Variants in FGF14 observed in about 807,000 individuals in gnomAD.
FGF14 encodes fibroblast growth factor homologous factor 4.
FGF14 carries 5 observed loss-of-function variants against 25.5 expected under a neutral mutation model. That is an observed-to-expected ratio of 0.20 (90% confidence interval 0.10 to 0.41). The LOEUF (loss-of-function observed/expected upper bound fraction) is 0.41, where lower values mean the gene tolerates loss of function less well. Among genes scored for constraint, FGF14 ranks in the 10% least tolerant of loss-of-function variants. The pLI, the probability that FGF14 is intolerant of heterozygous loss-of-function variation, is 1.00. For missense variants in FGF14, 222 were observed against 320.1 expected (o/e 0.69, Z 2.34); for synonymous variants, 138 against 118.3 (o/e 1.17, Z -1.08).
At chr13:102,222,086 G>A (rs59934534) in intron 1 of FGF14, among the ~76,000 whole-genome samples, 3,932 of 152,144 alleles carry the variant, frequency 0.026, 162 homozygotes, top group African/African-American at 0.089. Context: ...ACCCCATACA[G>A]TCTTCAGAGA....
At chr13:102,045,262 C>A (rs1274116041) in intron 1 of FGF14, among the ~76,000 whole-genome samples, 2 of 151,290 alleles carry the variant, frequency 1.3e-5, no homozygotes, top group Non-Finnish European at 2.9e-5. Context: ...AAGGAAACTG[C>A]TATGCAGATG....
chr13:101,896,154 T>C lies in FGF14; in HGVS notation c.193+20299A>G, dbSNP rs898317448. The stretch of plus-strand genomic sequence containing the variant: ...CTAGCAGAAACCTCCCTTCCCTTTC[T>C]TTTTACTATTAAGGTGGGGCAATAG... On this transcript the variant is annotated intron_variant, in intron 1 of 4. Transcript: ENST00000376143. Among the ~76,000 whole-genome samples, 12 of 152,296 alleles carry C rather than the reference T, an allele frequency of 7.9e-5. 1 individual carries two copies. Among genetic ancestry groups the C allele is most frequent in the Middle Eastern group, 6.8e-3 (2 of 294 alleles).
chr13:102,184,136 T>C (rs967881390), intron 1 of FGF14, among the ~76,000 whole-genome samples: 1 of 152,128 alleles, frequency 6.6e-6, no homozygotes, highest in Non-Finnish European at 1.5e-5. Flanking sequence ...GACACACAGC[T>C]GTGGGTAAGA....
At chr13:102,002,812 G>A (rs1057408963) in intron 1 of FGF14, 3 of 152,130 alleles carry the variant, frequency 2.0e-5, no homozygotes, top group Non-Finnish European at 2.9e-5. Context: ...AAGTACTGCT[G>A]AATGCTATTG....
At chr13:101,792,413 A>G (rs2040290550) in intron 3 of FGF14, among the ~76,000 whole-genome samples, 1 of 152,068 alleles carries the variant, frequency 6.6e-6, no homozygotes, top group Admixed American at 6.6e-5. Flanking sequence ...ACATGTCACA[A>G]CTCATCACTG....
At chr13:102,324,201 G>C (rs2056346205) in intron 1 of FGF14, among the ~76,000 whole-genome samples, 1 of 152,096 alleles carries the variant, frequency 6.6e-6, no homozygotes, top group African/African-American at 2.4e-5. Flanking sequence ...AGAAGCGGCT[G>C]TGGGCTTAAG....
intron 1 of FGF14, among the ~76,000 whole-genome samples, chr13:101,998,618 G>T (rs2039314954): frequency 6.6e-6 from 1 of 152,158 alleles, no homozygotes; most frequent in African/African-American, 2.4e-5. Flanking sequence ...TGTATTTACA[G>T]ATTCTGTGCA....
At chr13:101,828,496 G>T (rs1334238488) in intron 3 of FGF14, among the ~76,000 whole-genome samples, 1 of 148,890 alleles carries the variant, frequency 6.7e-6, no homozygotes. Context: ...TGCAAGATGA[G>T]AGAAAGCATG....
intron 3 of FGF14, among the ~76,000 whole-genome samples, chr13:101,860,020 G>A (rs1358469004): frequency 2.0e-5 from 3 of 151,938 alleles, no homozygotes; most frequent in Non-Finnish European, 4.4e-5. Context: ...TTGACAACCT[G>A]CTCCAATAGG....
chr13:101,946,654 G>C (rs1378692075), intron 1 of FGF14, among the ~76,000 whole-genome samples: 1 of 152,170 alleles, frequency 6.6e-6, no homozygotes, highest in Non-Finnish European at 1.5e-5. Flanking sequence ...CTGGCACCAT[G>C]AACAGTTGCT....
rs539455635 is a variant in FGF14, at chr13:102,213,956, T to C, written c.208+187515A>G. The stretch of plus-strand genomic sequence containing the variant: ...GAATGAGGAAGACTGATGATACCTT[T>C]GGCCTGAGAAAGCCTCTGGGTGAGA... On this transcript the variant is annotated intron_variant, in intron 1 of 4. Coordinates refer to the FGF14 transcript ENST00000376131. Among the ~76,000 whole-genome samples, 45 of 152,356 alleles carry C rather than the reference T, an allele frequency of 3.0e-4. 1 individual carries two copies. The South Asian group carries it at 9.3e-3, about 32-fold the overall frequency.
chr13:102,006,731 T>TTTTTC (rs1226355547), intron 1 of FGF14, among the ~76,000 whole-genome samples: 5 of 111,666 alleles, frequency 4.5e-5, no homozygotes, highest in African/African-American at 1.7e-4. Context: ...TTACTTCTTT[T>TTTTTC]TTTTTTTTTT....
intron 1 of FGF14, among the ~76,000 whole-genome samples, chr13:101,911,456 A>G (rs562917574): frequency 7.9e-5 from 12 of 152,308 alleles, no homozygotes; most frequent in South Asian, 4.2e-4. Flanking sequence ...TAATTACATT[A>G]TACCTAATCT....
At chr13:101,728,054 T>C (rs2035559665) in intron 3 of FGF14, among the ~76,000 whole-genome samples, 1 of 152,206 alleles carries the variant, frequency 6.6e-6, no homozygotes, top group African/African-American at 2.4e-5. Context: ...GACTTTATGC[T>C]AACTGTAATT....
intron 1 of FGF14, among the ~76,000 whole-genome samples, chr13:102,213,084 A>G (rs1256041464): frequency 3.9e-5 from 6 of 152,222 alleles, no homozygotes; most frequent in Admixed American, 1.3e-4. Flanking sequence ...TTCTTCGAAA[A>G]CAGCTCTAAA....
At chr13:102,034,059 T>C (rs1005066578) in intron 1 of FGF14, among the ~76,000 whole-genome samples, 1 of 152,112 alleles carries the variant, frequency 6.6e-6, no homozygotes, top group African/African-American at 2.4e-5. Context: ...GCCTCTCTTC[T>C]TTCTGGGATC....
chr13:102,329,444 T>C (rs1329556899), intron 1 of FGF14, among the ~76,000 whole-genome samples: 1 of 152,180 alleles, frequency 6.6e-6, no homozygotes, highest in Admixed American at 6.5e-5. Flanking sequence ...CAGGACTCAA[T>C]GTGAGCAGAC....
intron 1 of FGF14, among the ~76,000 whole-genome samples, chr13:102,009,464 AC>A (rs1413970806): frequency 1.2e-4 from 19 of 152,126 alleles, no homozygotes; most frequent in Admixed American, 1.2e-3. Flanking sequence ...TAATCAACAT[AC>A]TTGTATTGAT....
chr13:102,006,724 C>CTTTTTTTTTTTTTTT (rs1566562317), intron 1 of FGF14, among the ~76,000 whole-genome samples: 1 of 97,946 alleles, frequency 1.0e-5, no homozygotes, highest in African/African-American at 4.1e-5. Context: ...CAAAATCTTA[C>CTTTTTTTTTTTTTTT]TTCTTTTTTT....
Sources: allele counts gnomAD v4.1 joint callset (sites outside exome capture counted in the v4.1 genomes callset), GRCh38; gene constraint gnomAD v4.1.1; transcripts MANE v1.5; gene names NCBI Gene and HGNC (gene_info 2026-07-23, HGNC 2026-07-21).